The following HS3ST5 variants were observed in gnomAD, a reference collection of about 807,000 sequenced individuals.
HS3ST5 encodes heparan sulfate glucosamine 3-O-sulfotransferase 5.
HS3ST5 carries 10 observed loss-of-function variants against 25.4 expected under a neutral mutation model. That is an observed-to-expected ratio of 0.39 (90% CI 0.24 to 0.67). The LOEUF (loss-of-function observed/expected upper bound fraction) is 0.67. Among genes scored for constraint, HS3ST5 ranks in the 30% least tolerant of loss-of-function variants. HS3ST5 has a pLI of 0.44. For synonymous variants in HS3ST5, 170 were observed against 162.4 expected (o/e 1.05, Z -0.36); for missense variants, 324 against 420.7 (o/e 0.77, Z 2.01).
chr6:114,239,073 T>C (rs939114639), intron 1 of HS3ST5: 1 of 152,208 alleles, frequency 6.6e-6, no homozygotes, highest in Non-Finnish European at 1.5e-5. Context: ...TAATCAGAGA[T>C]TAAATTAAGA....
intron 3 of HS3ST5, among the ~76,000 whole-genome samples, chr6:114,105,079 C>T (rs1024175978): frequency 1.3e-5 from 2 of 152,084 alleles, no homozygotes; most frequent in African/African-American, 4.8e-5. Context: ...ACTGAGTAAC[C>T]AGTGCCTACC....
chr6:114,062,919 C>A, intron 3 of HS3ST5, 42 bp from the exon 4 acceptor site: 2 of 1,192,454 alleles, frequency 1.7e-6, no homozygotes, highest in Admixed American at 1.8e-5. Context: ...CTTAGAGGCT[C>A]TGTTGGTTGT....
chr6:114,247,839 T>C (rs927371219), intron 1 of HS3ST5, among the ~76,000 whole-genome samples: 1 of 151,726 alleles, frequency 6.6e-6, no homozygotes, highest in Non-Finnish European at 1.5e-5. Context: ...AACTTGAATT[T>C]TTTTTAAGTC....
chr6:114,072,741 C>T (rs1038138109), intron 3 of HS3ST5, among the ~76,000 whole-genome samples: 17 of 152,280 alleles, frequency 1.1e-4, no homozygotes, highest in African/African-American at 4.1e-4. Flanking sequence ...AGATTCAGTG[C>T]TATCCCCATC....
At chr6:114,173,618 G>A (rs1416424531) in intron 2 of HS3ST5, among the ~76,000 whole-genome samples, 1 of 152,154 alleles carries the variant, frequency 6.6e-6, no homozygotes, top group Non-Finnish European at 1.5e-5. Context: ...CAGCACTTTG[G>A]GAGGCTGAGG....
At chr6:114,223,768 C>T (rs1308833812) in intron 2 of HS3ST5, among the ~76,000 whole-genome samples, 1 of 151,546 alleles carries the variant, frequency 6.6e-6, no homozygotes, top group Non-Finnish European at 1.5e-5. Context: ...GGTTAAGTAC[C>T]TAATTTTTGG....
At chr6:114,079,078 A>G (rs959349450) in intron 3 of HS3ST5, among the ~76,000 whole-genome samples, 7 of 152,188 alleles carry the variant, frequency 4.6e-5, no homozygotes. Flanking sequence ...GTGAGTTGTA[A>G]TCTTTTTGTT....
chr6:114,314,402 G>C (rs955134509), intron 1 of HS3ST5, among the ~76,000 whole-genome samples: 1 of 152,220 alleles, frequency 6.6e-6, no homozygotes, highest in Non-Finnish European at 1.5e-5. Flanking sequence ...AAGAATTTCA[G>C]TTGCAGCCAA....
chr6:114,254,932 C>T (rs369464515), intron 1 of HS3ST5, among the ~76,000 whole-genome samples: 1 of 152,128 alleles, frequency 6.6e-6, no homozygotes, highest in Non-Finnish European at 1.5e-5. Context: ...CCACCTCTGG[C>T]CCCTCCCCAA....
intron 1 of HS3ST5, among the ~76,000 whole-genome samples, chr6:114,293,947 A>G (rs1774697714): frequency 6.6e-6 from 1 of 152,212 alleles, no homozygotes; most frequent in Admixed American, 6.5e-5. Context: ...GGAGAAACCA[A>G]ACTGTGGTAC....
At chr6:114,315,540 A>G (rs1209232933) in intron 1 of HS3ST5, among the ~76,000 whole-genome samples, 3 of 152,312 alleles carry the variant, frequency 2.0e-5, no homozygotes, top group African/African-American at 7.2e-5. Context: ...TCATCTGAGA[A>G]ACAATAGCAC....
At chr6:114,218,228 C>A (rs1411952809) in intron 2 of HS3ST5, among the ~76,000 whole-genome samples, 1 of 152,112 alleles carries the variant, frequency 6.6e-6, no homozygotes, top group East Asian at 1.9e-4. Context: ...AAACCCCTGA[C>A]CTCAGATGAT....
intron 2 of HS3ST5, among the ~76,000 whole-genome samples, chr6:114,174,360 C>A (rs1779616398): frequency 6.6e-6 from 1 of 151,958 alleles, no homozygotes; most frequent in South Asian, 2.1e-4. Context: ...CTGGCCTGTA[C>A]CCCCACCAGA....
At chr6:114,212,288 C>G (rs1781540318) in intron 2 of HS3ST5, among the ~76,000 whole-genome samples, 1 of 152,182 alleles carries the variant, frequency 6.6e-6, no homozygotes. Context: ...ATTCCAAATT[C>G]CTAATATATT....
intron 2 of HS3ST5, among the ~76,000 whole-genome samples, chr6:114,222,574 T>C (rs1782092508): frequency 6.6e-6 from 1 of 151,880 alleles, no homozygotes; most frequent in Admixed American, 6.6e-5. Flanking sequence ...ACTTTTTCTA[T>C]TATTAAAATC....
intron 2 of HS3ST5, among the ~76,000 whole-genome samples, chr6:114,176,071 T>A (rs1459166067): frequency 6.6e-6 from 1 of 152,208 alleles, no homozygotes; most frequent in Non-Finnish European, 1.5e-5. Flanking sequence ...ATAATAATGA[T>A]GAATAAATTA....
intron 1 of HS3ST5, among the ~76,000 whole-genome samples, chr6:114,258,218 T>C (rs1467495339): frequency 6.6e-6 from 1 of 152,210 alleles, no homozygotes; most frequent in African/African-American, 2.4e-5. Flanking sequence ...GTTACCCACA[T>C]ATGCCCTCCT....
chr6:114,134,240 A>G (rs187317022), intron 3 of HS3ST5, among the ~76,000 whole-genome samples: 2 of 152,250 alleles, frequency 1.3e-5, no homozygotes, highest in East Asian at 1.9e-4. Flanking sequence ...TTATGATATC[A>G]TGGAGTCATC....
At chr6:114,161,342 CT>C (rs780147201) in intron 3 of HS3ST5, among the ~76,000 whole-genome samples, 3 of 149,996 alleles carry the variant, frequency 2.0e-5, no homozygotes, top group Non-Finnish European at 3.0e-5. Context: ...CTGAAGAATG[CT>C]TTTATATCAA....
Sources: gnomAD v4.1 joint callset for allele counts (sites outside exome capture counted in the v4.1 genomes callset) on GRCh38, gnomAD v4.1.1 for gene constraint, MANE v1.5 for transcripts, NCBI Gene and HGNC (gene_info 2026-07-23, HGNC 2026-07-21) for gene names.